Variants in NDUFAF4 observed in about 807,000 individuals in gnomAD.
NDUFAF4 encodes the protein NADH dehydrogenase [ubiquinone] 1 alpha subcomplex assembly factor 4.
NDUFAF4 carries 10 observed loss-of-function variants against 15.6 expected under a neutral mutation model. The ratio of observed to expected loss-of-function variants is 0.64; its 90% CI spans 0.40 to 1.09. The LOEUF is 1.09. NDUFAF4 is among the 50% of genes least tolerant of loss of function. NDUFAF4 has a pLI of 0.01. For missense variants in NDUFAF4, 203 were observed against 207.3 expected (o/e 0.98, Z 0.13); for synonymous variants, 77 against 73.3 (o/e 1.05, Z -0.26).
At chr6:96,895,062 T>C (rs1487326791) in intron 2 of NDUFAF4, among the ~76,000 whole-genome samples, 1 of 152,182 alleles carries the variant, frequency 6.6e-6, no homozygotes, top group Non-Finnish European at 1.5e-5. Flanking sequence ...TAGAGATGCA[T>C]TTTAAGTAAG....
chr6:96,896,593 A>G (rs1024197055), intron 2 of NDUFAF4, 151 bp downstream of exon 2: 1 of 679,032 alleles, frequency 1.5e-6, no homozygotes, highest in African/African-American at 1.8e-5. Flanking sequence ...TTGCTGTCTT[A>G]CACCAGTGTG....
intron 2 of NDUFAF4, among the ~76,000 whole-genome samples, chr6:96,895,163 A>G (rs1207517837): frequency 6.6e-6 from 1 of 152,218 alleles, no homozygotes; most frequent in Admixed American, 6.5e-5. Flanking sequence ...CCACACATCA[A>G]AGACCACATT....
At position 96,891,076 on chromosome 6, in the gene NDUFAF4, T is replaced by C; in HGVS notation, c.*28A>G. ...AATATACAGCAGGAGGGATGAGGAG[T>C]ACACATAGGAAATTTCTGTGATTTT... On this transcript the variant is annotated 3_prime_UTR_variant, in exon 3 of 3. Transcript: ENST00000316149. 8.2e-6 allele frequency: 13 copies of C among 1,588,222 alleles called. No homozygotes were observed. The highest frequency in any genetic ancestry group is 1.1e-5 in the South Asian group (1 of 90,122).
intron 1 of NDUFAF4, among the ~76,000 whole-genome samples, chr6:96,897,106 G>A (rs924450856): frequency 6.6e-6 from 1 of 152,032 alleles, no homozygotes; most frequent in Non-Finnish European, 1.5e-5. Context: ...TGCATTGTTT[G>A]TAGAGACGGG....
In NDUFAF4 at chr6:96,890,125, A is replaced by T. The variant is rs1272029052; in HGVS notation, c.*979T>A. ...TCACACACTCACTCAAGATCCTAGT[A>T]CTGGTACATGCTATGCTAATTAAAT... On this transcript the variant is annotated 3_prime_UTR_variant, in exon 3 of 3. Transcript: ENST00000316149. 2 of 152,152 alleles carry T rather than the reference A, an allele frequency of 1.3e-5. No individual in the cohort carries two copies. Among genetic ancestry groups the T allele is most frequent in the Non-Finnish European group, 2.9e-5 (2 of 68,020 alleles). The allele number at this position is 152,152 out of a possible 1,614,324, so 9.4% of individuals were successfully genotyped here.
At chr6:96,893,963 A>G (rs1775342961) in intron 2 of NDUFAF4, among the ~76,000 whole-genome samples, 1 of 152,216 alleles carries the variant, frequency 6.6e-6, no homozygotes. Flanking sequence ...AATTCTACAT[A>G]GATATATCTT....
In NDUFAF4 at chr6:96,891,118, T is replaced by C. The variant is rs1446751608; in HGVS notation, c.514A>G (p.Ile172Val). ...TGTGATTTTCTTCATTTTGATCGTA[T>C]TGCTTTCTTGTCTTCAGGAGGGAAG... ...EIFPPEDKKA[I>V]RSK is the part of the protein sequence containing the mutation. Residue 172 changes from isoleucine (I) to valine (V), a missense_variant, in exon 3 of 3, where the codon ATA becomes GTA. Physicochemically the swap from Ile to Val is conservative, Grantham distance 29 (BLOSUM62 3). Coordinates refer to ENST00000316149, the MANE Select transcript of NDUFAF4 (RefSeq NM_014165.4). 1.2e-6 allele frequency: 2 copies of C among 1,612,798 alleles called. No individual in the cohort carries two copies. Among genetic ancestry groups the C allele is most frequent in the Admixed American group, 1.7e-5 (1 of 59,962 alleles).
At chr6:96,895,173 T>C (rs1775356560) in intron 2 of NDUFAF4, among the ~76,000 whole-genome samples, 1 of 152,106 alleles carries the variant, frequency 6.6e-6, no homozygotes, top group East Asian at 1.9e-4. Flanking sequence ...AAGACCACAT[T>C]TAATGCCAGA....
In NDUFAF4 at chr6:96,890,986, T is replaced by C; in HGVS notation, c.*118A>G. ...GGGAGCTCAATAAATATTAAGAGTA[T>C]GCCCTCACAATGAGAGCATTAAATA... On this transcript the variant is annotated 3_prime_UTR_variant, in exon 3 of 3. Coordinates refer to ENST00000316149, the MANE Select transcript of NDUFAF4 (RefSeq NM_014165.4). The C allele has an allele frequency of 1.1e-6, 1 of 883,256 alleles. No homozygotes were observed. The highest frequency in any genetic ancestry group is 1.6e-5 in the South Asian group (1 of 63,648). 54.7% of individuals were successfully genotyped at this position (883,256 alleles called of 1,614,324 possible).
intron 1 of NDUFAF4, among the ~76,000 whole-genome samples, 165 bp downstream of exon 1, chr6:96,897,501 A>G (rs1775399587): frequency 6.6e-6 from 1 of 151,590 alleles, no homozygotes; most frequent in East Asian, 2.0e-4. Flanking sequence ...GACAGTCTCA[A>G]TGTCACCGGC....
chr6:96,894,416 T>C (rs1775347301), intron 2 of NDUFAF4, among the ~76,000 whole-genome samples: 1 of 152,122 alleles, frequency 6.6e-6, no homozygotes, highest in Non-Finnish European at 1.5e-5. Flanking sequence ...AGAGAAGCCA[T>C]AAAGTGCTTC....
At chr6:96,896,343 C>T (rs1204460112) in intron 2 of NDUFAF4, among the ~76,000 whole-genome samples, 2 of 152,242 alleles carry the variant, frequency 1.3e-5, no homozygotes, top group Middle Eastern at 3.4e-3. Context: ...CAAAATCCAA[C>T]AACACCACTT....
chr6:96,891,952 T>C (rs576744308), intron 2 of NDUFAF4, among the ~76,000 whole-genome samples: 11 of 152,304 alleles, frequency 7.2e-5, no homozygotes, highest in African/African-American at 2.2e-4. Context: ...TTTTGCCACA[T>C]TGCCTTTTCA....
chr6:96,891,816 T>C (rs1338287376), intron 2 of NDUFAF4, among the ~76,000 whole-genome samples: 1 of 152,014 alleles, frequency 6.6e-6, no homozygotes, highest in Non-Finnish European at 1.5e-5. Flanking sequence ...TTAAACATCT[T>C]TTCTTTATAA....
intron 1 of NDUFAF4, 152 bp downstream of exon 1, chr6:96,897,514 G>C (rs1469308899): frequency 1.5e-5 from 17 of 1,162,372 alleles, no homozygotes; most frequent in Admixed American, 1.1e-4. Flanking sequence ...TCACCGGCCT[G>C]GCGGCTCCCC....
At chr6:96,894,179 C>A (rs1237949861) in intron 2 of NDUFAF4, among the ~76,000 whole-genome samples, 1 of 152,186 alleles carries the variant, frequency 6.6e-6, no homozygotes, top group Non-Finnish European at 1.5e-5. Flanking sequence ...CCATTCTGAG[C>A]AGCATAATGA....
Position 96,896,825 on chromosome 6 carries a change from C to G in NDUFAF4, c.159G>C (p.Glu53Asp). 1 of 1,613,748 alleles carries G rather than the reference C, an allele frequency of 6.2e-7. No homozygotes were observed. The highest frequency in any genetic ancestry group is 8.5e-7 in the Non-Finnish European group (1 of 1,179,776). Residue 53 changes from glutamate to aspartate, a missense_variant, in exon 2 of 3, where the codon GAG becomes GAC. Glu to Asp is a conservative substitution (Grantham distance 45). Coordinates refer to ENST00000316149, the MANE Select transcript of NDUFAF4 (RefSeq NM_014165.4). ...GCAGCTTTTCATCTTTACGAGCAAT[C>G]TCTCCTTTAACTTCTGGATAGACTA... The part of the protein sequence containing the change: ...QISLYPEVKG[E>D]IARKDEKLLS...
At chr6:96,892,283 A>G (rs1478765007) in intron 2 of NDUFAF4, among the ~76,000 whole-genome samples, 1 of 152,022 alleles carries the variant, frequency 6.6e-6, no homozygotes, top group African/African-American at 2.4e-5. Context: ...AAAACAACCT[A>G]TGCACACCCA....
intron 2 of NDUFAF4, 93 bp from the exon 3 acceptor site, chr6:96,891,484 C>A: frequency 7.8e-7 from 1 of 1,289,214 alleles, no homozygotes. Context: ...CTTCAAATAA[C>A]AACTAATATG....
Sources: gnomAD v4.1 joint callset for allele counts (sites outside exome capture counted in the v4.1 genomes callset) on GRCh38, gnomAD v4.1.1 for gene constraint, MANE v1.5 for transcripts, NCBI Gene and HGNC (gene_info 2026-07-23, HGNC 2026-07-21) for gene names.